The following ZNF738 variants were observed in gnomAD, a reference collection of about 807,000 sequenced individuals.
ZNF738 encodes the protein zinc finger protein 738.
ZNF738 carries 10 observed loss-of-function variants against 9.2 expected under a neutral mutation model. The observed-to-expected ratio is 1.09, with a 90% CI of 0.67 to 1.85. ZNF738 has a LOEUF of 1.85. ZNF738 is among the 40% of genes most tolerant of loss of function. The pLI, the probability that ZNF738 is intolerant of heterozygous loss-of-function variation, is 0.00. For missense variants in ZNF738, 346 were observed against 283.6 expected (o/e 1.22, Z -1.58); for synonymous variants, 113 against 94.5 (o/e 1.20, Z -1.14).
intron 4 of ZNF738, chr19:21,378,653 G>C (rs1194230595): frequency 2.8e-6 from 1 of 356,248 alleles, no homozygotes; most frequent in East Asian, 1.3e-4. Context: ...TTGTTCCCCA[G>C]GCCGGAGTGA....
intron 2 of ZNF738, among the ~76,000 whole-genome samples, chr19:21,368,669 G>A (rs1239102131): frequency 6.6e-6 from 1 of 151,896 alleles, no homozygotes; most frequent in Non-Finnish European, 1.5e-5. Context: ...TGTTGCTCAG[G>A]ATGGTCTTGA....
chr19:21,382,801 G>A, intron 4 of ZNF738, 65 bp from the exon 5 acceptor site: 1 of 295,908 alleles, frequency 3.4e-6, no homozygotes, highest in South Asian at 4.1e-5. Flanking sequence ...TCATAGTTTA[G>A]ATTTGTAATC....
At chr19:21,372,600 G>C (rs1973870198) in intron 2 of ZNF738, 1 of 152,186 alleles carries the variant, frequency 6.6e-6, no homozygotes, top group Admixed American at 6.5e-5. Flanking sequence ...CAGATTTTCT[G>C]TTCCTGCAGA....
At chr19:21,371,821 TAATAA>T (rs1479291451) in intron 2 of ZNF738, 3 of 152,244 alleles carry the variant, frequency 2.0e-5, no homozygotes, top group African/African-American at 7.2e-5. Context: ...ATTTATCTTC[TAATAA>T]AATTATCCTA....
In ZNF738 at chr19:21,383,133, C is replaced by T. The variant is rs2145243395; in HGVS notation, c.587C>T (p.Thr196Ile). 1 of 1,585,448 alleles carries T rather than the reference C, an allele frequency of 6.3e-7. No homozygotes were observed. The highest frequency in any genetic ancestry group is 1.1e-5 in the South Asian group (1 of 90,310). ...TTTTTAAATTCAAATACACATAAGA[C>T]AAGACATACTGGAAAGAAACCTTTC... ...HKFLNSNTHK[T>I]RHTGKKPFKC... The change falls in exon 5 of 5, where the codon ACA (threonine) becomes ATA (isoleucine). Residue 196 changes from threonine to isoleucine, a missense_variant. Coordinates refer to ENST00000683779, the MANE Select transcript of ZNF738 (RefSeq NM_001355237.2).
At chr19:21,373,147 G>A (rs2650839) in intron 2 of ZNF738, among the ~76,000 whole-genome samples, 5,586 of 152,180 alleles carry the variant, frequency 0.037, 339 homozygotes, top group African/African-American at 0.12. Context: ...TGGGACCAAC[G>A]TTACCAAGTG....
In ZNF738 at chr19:21,387,051, G is replaced by C. The variant is rs1974076186; in HGVS notation, c.*3377G>C. ...CACATAAGATAATTCATACTGGAAA[G>C]AAACTCCACAAACCAGAAAGATGCA... On this transcript the variant is annotated 3_prime_UTR_variant, in exon 5 of 5. Coordinates refer to ENST00000683779, the MANE Select transcript of ZNF738 (RefSeq NM_001355237.2). The C allele has an allele frequency of 6.6e-6, 1 of 152,642 alleles. No individual in the cohort carries two copies. 9.5% of individuals were successfully genotyped at this position (152,642 alleles called of 1,614,324 possible). A position where few individuals can be genotyped will look rare whatever the true frequency, so the allele number is the denominator to read the frequency against.
At chr19:21,379,164 A>C (rs1973976575) in intron 4 of ZNF738, 1 of 151,594 alleles carries the variant, frequency 6.6e-6, no homozygotes, top group African/African-American at 2.4e-5. Flanking sequence ...TATTTTACTC[A>C]TTGAGTATTC....
In ZNF738 at chr19:21,375,331, A is replaced by G. The variant is rs1568369398; in HGVS notation, c.190A>G (p.Met64Val). The change falls in exon 3 of 5, where the codon ATG becomes GTG. Residue 64 changes from methionine to valine, a missense_variant. Met to Val is a conservative substitution (Grantham distance 21). Transcript: ENST00000683779. ...TCAGCAAGATTTGTATAGGAAAGTG[A>G]TGTTAGAGAACTTCAGAAACCTGGT... ...TAQQDLYRKVMLENFRNLVFL... is the reference protein window; with the variant it reads ...TAQQDLYRKVVLENFRNLVFL... 9.8e-7 allele frequency: 1 copy of G among 1,025,478 alleles called. No homozygotes were observed. The highest frequency in any genetic ancestry group is 1.5e-6 in the Non-Finnish European group (1 of 647,184). The allele number at this position is 1,025,478 out of a possible 1,614,324, so 63.5% of individuals were successfully genotyped here.
intron 4 of ZNF738, among the ~76,000 whole-genome samples, chr19:21,379,472 T>A (rs186846929): frequency 2.0e-5 from 3 of 152,304 alleles, no homozygotes; most frequent in South Asian, 4.1e-4. Context: ...ATCTTCTTTG[T>A]TAATACTCAG....
intron 4 of ZNF738, among the ~76,000 whole-genome samples, chr19:21,380,449 A>G (rs2562440): frequency 0.014 from 2,201 of 152,252 alleles, 64 homozygotes; most frequent in African/African-American, 0.047. Context: ...GGGGGTGGAC[A>G]GGAGCCCTTT....
intron 2 of ZNF738, among the ~76,000 whole-genome samples, chr19:21,367,946 A>G (rs1251617509): frequency 6.6e-6 from 1 of 152,192 alleles, no homozygotes; most frequent in Admixed American, 6.5e-5. Context: ...TGTTTTCTCC[A>G]TCTACCTAGC....
At chr19:21,361,627 G>A in intron 1 of ZNF738, 139 bp from the exon 2 acceptor site, 1 of 665,392 alleles carries the variant, frequency 1.5e-6, no homozygotes, top group South Asian at 1.6e-5. Context: ...TTTATGGGGT[G>A]ATGTGTCCTC....
chr19:21,364,438 C>T (rs185052298), intron 2 of ZNF738, among the ~76,000 whole-genome samples: 22 of 151,982 alleles, frequency 1.4e-4, no homozygotes, highest in African/African-American at 4.6e-4. Context: ...TGTATAATGG[C>T]TCAGATTGAG....
intron 1 of ZNF738, 33 bp downstream of exon 1, chr19:21,359,176 G>A (rs1297383794): frequency 9.6e-7 from 1 of 1,039,276 alleles, no homozygotes; most frequent in Admixed American, 1.7e-5. Context: ...CCCGAGAGAG[G>A]GGAAGGGCTG....
intron 1 of ZNF738, chr19:21,360,562 T>G (rs939843295): frequency 6.6e-6 from 1 of 151,570 alleles, no homozygotes; most frequent in African/African-American, 2.4e-5. Context: ...TAAACAATTC[T>G]CCCACTTCAG....
At position 21,375,374 on chromosome 19, in the gene ZNF738, A is replaced by G. The variant is rs561718536; in HGVS notation, c.223+10A>G. The G allele has an allele frequency of 3.9e-6, 3 of 769,408 alleles. No individual in the cohort carries two copies. The South Asian group carries it at 4.6e-5, about 12-fold the overall frequency. The allele number at this position is 769,408 out of a possible 1,614,324, so 47.7% of individuals were successfully genotyped here. A position where few individuals can be genotyped will look rare whatever the true frequency, so the allele number is the denominator to read the frequency against. On this transcript the variant is annotated intron_variant, in intron 3 of 4. Transcript: ENST00000683779. ...AACCTGGTGTTCTTGGGTGAGAATA[A>G]CTTTAATACACAATTCCTTATATAC...
At chr19:21,364,830 C>T (rs1973754358) in intron 2 of ZNF738, among the ~76,000 whole-genome samples, 1 of 147,232 alleles carries the variant, frequency 6.8e-6, no homozygotes, top group South Asian at 2.1e-4. Flanking sequence ...ATGGCAACTT[C>T]TGCCTTCTGG....
chr19:21,375,096 C>A, intron 2 of ZNF738, 142 bp from the exon 3 acceptor site: 1 of 514,828 alleles, frequency 1.9e-6, no homozygotes, highest in Non-Finnish European at 3.5e-6. Flanking sequence ...GAGAATATTT[C>A]TGTGTTGAAA....
Sources: gnomAD v4.1 joint callset for allele counts (sites outside exome capture counted in the v4.1 genomes callset) on GRCh38, gnomAD v4.1.1 for gene constraint, MANE v1.5 for transcripts, NCBI Gene and HGNC (gene_info 2026-07-23, HGNC 2026-07-21) for gene names.